MYH10: variants seen among roughly 807,000 people sequenced by gnomAD.
The protein encoded by MYH10 is myosin heavy chain 10.
Under a neutral mutation model 257.8 loss-of-function variants are expected in MYH10, and 55 were observed. The observed-to-expected ratio is 0.21, with a 90% CI of 0.17 to 0.27. The LOEUF (loss-of-function observed/expected upper bound fraction) is 0.27, where lower values mean the gene tolerates loss of function less well. MYH10 is among the 10% of genes least tolerant of loss of function. MYH10 has a pLI of 1.00. For missense variants in MYH10, 1,631 were observed against 2,500.6 expected (o/e 0.65, Z 7.42); for synonymous variants, 854 against 921.7 (o/e 0.93, Z 1.33).
At chr17:8,628,513 T>C (rs998444557) in intron 1 of MYH10, among the ~76,000 whole-genome samples, 1 of 152,168 alleles carries the variant, frequency 6.6e-6, no homozygotes, top group Non-Finnish European at 1.5e-5. Context: ...TGACAGAGCA[T>C]CCATCTATAA....
chr17:8,479,629 G>A (rs1285677421), intron 40 of MYH10, among the ~76,000 whole-genome samples: 1 of 152,232 alleles, frequency 6.6e-6, no homozygotes, highest in Non-Finnish European at 1.5e-5. Context: ...TGGGCGCTAT[G>A]ACCTAATAGC....
In MYH10 at chr17:8,548,692, T is replaced by C. The variant is rs757131711; in HGVS notation, c.1015A>G (p.Thr339Ala). The change falls in exon 10 of 43, where the codon ACC becomes GCC. Residue 339 changes from threonine to alanine, a missense_variant. Coordinates refer to ENST00000360416, the MANE Select transcript of MYH10 (RefSeq NM_001256012.3). ...CCCATTATGTGCATTGCTTCCATGG[T>C]CTCCTGGAAATTATCTTTGTCTTGC... ...GQQDKDNFQE[T>A]MEAMHIMGFS... The C allele has an allele frequency of 6.2e-7, 1 of 1,613,942 alleles. No homozygotes were observed. Among genetic ancestry groups the C allele is most frequent in the Non-Finnish European group, 8.5e-7 (1 of 1,179,826 alleles).
chr17:8,480,596 C>T lies in MYH10; in HGVS notation c.5265-71G>A, dbSNP rs1312632782. 3.8e-6 allele frequency: 6 copies of T among 1,582,362 alleles called. 1 individual carries two copies. The East Asian group carries it at 1.1e-4, about 30-fold the overall frequency. ...AGCACAGGAGCCTCAGGGAAGGCTC[C>T]TCCACCCACCCTGTTGCTGGAAACC... On this transcript the variant is annotated intron_variant, in intron 38 of 42. Coordinates refer to ENST00000360416, the MANE Select transcript of MYH10 (RefSeq NM_001256012.3).
intron 23 of MYH10, 123 bp downstream of exon 23, chr17:8,513,415 C>A: frequency 7.1e-7 from 1 of 1,403,454 alleles, no homozygotes; most frequent in Non-Finnish European, 9.4e-7. Flanking sequence ...GAAAAGGCCT[C>A]CCATAAAATA....
chr17:8,544,419 C>G (rs1218876017), intron 13 of MYH10, among the ~76,000 whole-genome samples: 1 of 152,080 alleles, frequency 6.6e-6, no homozygotes, highest in Non-Finnish European at 1.5e-5. Flanking sequence ...TTCACTATAT[C>G]TTCTGATCGT....
chr17:8,612,245 G>A (rs2085069078), intron 2 of MYH10, among the ~76,000 whole-genome samples: 2 of 152,076 alleles, frequency 1.3e-5, no homozygotes, highest in Middle Eastern at 3.4e-3. Context: ...AGTGATGCTG[G>A]CAATTCTGAT....
At chr17:8,599,085 C>G (rs2084497567) in intron 3 of MYH10, among the ~76,000 whole-genome samples, 1 of 152,180 alleles carries the variant, frequency 6.6e-6, no homozygotes, top group Non-Finnish European at 1.5e-5. Flanking sequence ...TGATTAATAA[C>G]AAAACATTCA....
intron 34 of MYH10, 103 bp downstream of exon 34, chr17:8,492,194 A>T: frequency 8.7e-7 from 1 of 1,154,652 alleles, no homozygotes; most frequent in South Asian, 1.4e-5. Flanking sequence ...GTGCATTCCC[A>T]GGTCCTTCAG....
At chr17:8,551,615 A>C (rs191203328) in intron 9 of MYH10, among the ~76,000 whole-genome samples, 1 of 152,294 alleles carries the variant, frequency 6.6e-6, no homozygotes, top group East Asian at 1.9e-4. Flanking sequence ...CCTGACATTC[A>C]ATCAATCAAT....
At chr17:8,522,603 G>A (rs901488117) in intron 17 of MYH10, among the ~76,000 whole-genome samples, 3 of 152,090 alleles carry the variant, frequency 2.0e-5, no homozygotes, top group East Asian at 1.9e-4. Flanking sequence ...AGCAGAAAGC[G>A]GCACAAACCC....
intron 30 of MYH10, among the ~76,000 whole-genome samples, chr17:8,498,432 ACT>A (rs1917004011): frequency 6.6e-6 from 1 of 152,090 alleles, no homozygotes; most frequent in Non-Finnish European, 1.5e-5. Flanking sequence ...CTTGAAGTTG[ACT>A]CTGTGTGTAC....
chr17:8,535,929 C>T lies in MYH10; in HGVS notation c.1608G>A (p.Ala536=), dbSNP rs781018741. 8 of 1,612,278 alleles carry T rather than the reference C, an allele frequency of 5.0e-6. No individual in the cohort carries two copies. The highest frequency in any genetic ancestry group is 3.4e-5 in the Admixed American group (2 of 59,688). ...QPCIDLIERP[A]NPPGVLALLD... The stretch of plus-strand genomic sequence containing the variant: ...AAAGGGCCAGTACACCAGGAGGGTT[C>T]GCCTGATAATGACAGGCAATAAGAA... The change falls in exon 15 of 43, where the codon GCG becomes GCA. Residue 536 remains alanine (A), a splice_region_variant and synonymous_variant. Coordinates refer to ENST00000360416, the MANE Select transcript of MYH10 (RefSeq NM_001256012.3). The surrounding 1 kb of genome is among the most constrained non-coding windows in gnomAD (Gnocchi z 4.3).
intron 3 of MYH10, among the ~76,000 whole-genome samples, chr17:8,595,385 T>C (rs2084322695): frequency 6.6e-6 from 1 of 151,630 alleles, no homozygotes; most frequent in African/African-American, 2.4e-5. Context: ...CTACTCAATA[T>C]TGTCTTTATT....
At chr17:8,581,558 C>T (rs927032168) in intron 4 of MYH10, among the ~76,000 whole-genome samples, 6 of 152,036 alleles carry the variant, frequency 3.9e-5, no homozygotes, top group Admixed American at 2.0e-4. Context: ...TTACATATTT[C>T]GGGTCTAAGG....
chr17:8,478,584 A>C, intron 40 of MYH10, 138 bp from the exon 41 acceptor site: 1 of 728,648 alleles, frequency 1.4e-6, no homozygotes. Flanking sequence ...AGAATTCATG[A>C]CTAATGTGCT....
Position 8,490,249 on chromosome 17 carries a change from G to T in MYH10, c.4884+91C>A. 9.4e-7 allele frequency: 1 copy of T among 1,063,180 alleles called. No homozygotes were observed. The highest frequency in any genetic ancestry group is 1.4e-6 in the Non-Finnish European group (1 of 693,686). The allele number at this position is 1,063,180 out of a possible 1,614,324, so 65.9% of individuals were successfully genotyped here. A position where few individuals can be genotyped will look rare whatever the true frequency, so the allele number is the denominator to read the frequency against. ...TGTGTTACTCTGTGTTTACTCAGAT[G>T]TGTTCTAACACGAATGAACAGGATA... On this transcript the variant is annotated intron_variant, in intron 35 of 42. Coordinates refer to ENST00000360416, the MANE Select transcript of MYH10 (RefSeq NM_001256012.3). The surrounding 1 kb of genome is among the most constrained non-coding windows in gnomAD (Gnocchi z 4.1).
At chr17:8,625,183 G>A (rs2085627142) in intron 1 of MYH10, among the ~76,000 whole-genome samples, 1 of 152,124 alleles carries the variant, frequency 6.6e-6, no homozygotes, top group Admixed American at 6.6e-5. Flanking sequence ...CCTGAGAGGC[G>A]GAGGTTGCAG....
intron 16 of MYH10, among the ~76,000 whole-genome samples, 169 bp from the exon 17 acceptor site, chr17:8,530,854 G>T (rs1390766743): frequency 6.6e-6 from 1 of 152,072 alleles, no homozygotes; most frequent in Non-Finnish European, 1.5e-5. Flanking sequence ...TTGCACATTT[G>T]GATAAAGTTC....
intron 7 of MYH10, among the ~76,000 whole-genome samples, chr17:8,559,870 T>G (rs1037740986): frequency 6.6e-6 from 1 of 152,182 alleles, no homozygotes; most frequent in East Asian, 1.9e-4. Context: ...ATACACTACC[T>G]CATTGAGTTA....
Sources: gnomAD v4.1 joint callset for allele counts (sites outside exome capture counted in the v4.1 genomes callset) on GRCh38, gnomAD v4.1.1 for gene constraint, Gnocchi (gnomAD v3.1) non-coding constraint, MANE v1.5 for transcripts, NCBI Gene and HGNC (gene_info 2026-07-23, HGNC 2026-07-21) for gene names.